The following TWIST2 variants were observed in gnomAD, a reference collection of about 807,000 sequenced individuals.
TWIST2 encodes twist-related protein 2.
In TWIST2, 1 loss-of-function variant was observed where a neutral mutation model predicts 11.6. That is an observed-to-expected ratio of 0.09 (90% CI 0.03 to 0.41). The LOEUF (loss-of-function observed/expected upper bound fraction) is 0.41. TWIST2 is among the 10% of genes least tolerant of loss of function. The pLI, the probability that TWIST2 is intolerant of heterozygous loss-of-function variation, is 0.98. For synonymous variants in TWIST2, 87 were observed against 96.6 expected (o/e 0.90, Z 0.58); for missense variants, 168 against 226.4 (o/e 0.74, Z 1.66).
At chr2:238,888,602 TGC>T (rs1693080583) in intron 1 of TWIST2, among the ~76,000 whole-genome samples, 1 of 152,220 alleles carries the variant, frequency 6.6e-6, no homozygotes, top group East Asian at 1.9e-4. Flanking sequence ...GGTAATTACA[TGC>T]ATTAAAAATG....
At chr2:238,873,928 C>T (rs572668525) in intron 1 of TWIST2, among the ~76,000 whole-genome samples, 1 of 152,130 alleles carries the variant, frequency 6.6e-6, no homozygotes. Flanking sequence ...TGCATCAGCT[C>T]GAAACTGGGT....
At chr2:238,874,532 T>C (rs537687607) in intron 1 of TWIST2, among the ~76,000 whole-genome samples, 3 of 152,304 alleles carry the variant, frequency 2.0e-5, no homozygotes, top group African/African-American at 4.8e-5. Flanking sequence ...TGTATCCTGG[T>C]TGGACGACTC....
In TWIST2 at chr2:238,848,171, T is replaced by C; in HGVS notation, c.-45T>C. 5 of 1,198,968 alleles carry C rather than the reference T, an allele frequency of 4.2e-6. No homozygotes were observed. The highest frequency in any genetic ancestry group is 5.2e-6 in the Non-Finnish European group (5 of 968,440). 74.3% of individuals were successfully genotyped at this position (1,198,968 alleles called of 1,614,324 possible). On this transcript the variant is annotated 5_prime_UTR_variant, in exon 1 of 2. Transcript: ENST00000612363. ...CGCGGGCTTGGCCAGCGGCGCGCGC[T>C]CGGCGCCCCGGCGCCCCCAGCCCCA...
intron 1 of TWIST2, among the ~76,000 whole-genome samples, chr2:238,880,311 GTGTTGGTATT>G (rs1574760263): frequency 1.4e-5 from 2 of 146,466 alleles, no homozygotes; most frequent in East Asian, 2.1e-4. Flanking sequence ...GTTAGTGTTA[GTGTTGGTATT>G]TATTATTATT....
At chr2:238,909,365 C>T (rs999391047) in intron 1 of TWIST2, among the ~76,000 whole-genome samples, 1 of 152,104 alleles carries the variant, frequency 6.6e-6, no homozygotes, top group Non-Finnish European at 1.5e-5. Flanking sequence ...CTCCCGCCAG[C>T]GGCTGACCCA....
chr2:238,879,036 G>A (rs1692857445), intron 1 of TWIST2, among the ~76,000 whole-genome samples: 1 of 152,238 alleles, frequency 6.6e-6, no homozygotes, highest in African/African-American at 2.4e-5. Flanking sequence ...ATAATACCAT[G>A]TCGCATGTAT....
intron 1 of TWIST2, among the ~76,000 whole-genome samples, chr2:238,856,313 A>G (rs1268171368): frequency 6.6e-6 from 1 of 152,236 alleles, no homozygotes; most frequent in African/African-American, 2.4e-5. Context: ...TTCTGAGAAT[A>G]GAGATTTCCT....
chr2:238,884,972 C>T (rs1176422622), intron 1 of TWIST2, among the ~76,000 whole-genome samples: 4 of 152,210 alleles, frequency 2.6e-5, no homozygotes, highest in Non-Finnish European at 4.4e-5. Flanking sequence ...ATCAGTGGAG[C>T]GTCCCCCCAT....
At chr2:238,870,534 C>A (rs1692654805) in intron 1 of TWIST2, among the ~76,000 whole-genome samples, 1 of 105,942 alleles carries the variant, frequency 9.4e-6, no homozygotes. Context: ...ACCACACACC[C>A]TACATACCCC....
At chr2:238,890,733 G>A (rs1375720936) in intron 1 of TWIST2, among the ~76,000 whole-genome samples, 1 of 152,202 alleles carries the variant, frequency 6.6e-6, no homozygotes, top group African/African-American at 2.4e-5. Flanking sequence ...CTATATTTCT[G>A]TATCTCTTTA....
At chr2:238,869,037 G>A (rs919126081) in intron 1 of TWIST2, among the ~76,000 whole-genome samples, 17 of 152,182 alleles carry the variant, frequency 1.1e-4, no homozygotes, top group African/African-American at 2.4e-4. Flanking sequence ...GTAGGTGCGC[G>A]GGCAGCAAAT....
intron 1 of TWIST2, among the ~76,000 whole-genome samples, chr2:238,905,958 CGTGT>C (rs1693345911): frequency 1.4e-3 from 146 of 107,720 alleles, no homozygotes; most frequent in African/African-American, 3.6e-3. Context: ...CGCGTGTGTA[CGTGT>C]GCGTGTGTGT....
intron 1 of TWIST2, among the ~76,000 whole-genome samples, chr2:238,872,104 C>T (rs1451217775): frequency 6.6e-6 from 1 of 152,178 alleles, no homozygotes; most frequent in Non-Finnish European, 1.5e-5. Flanking sequence ...GCCATATTAA[C>T]CGGAAGGCAG....
At chr2:238,895,398 C>G (rs1266710931) in intron 1 of TWIST2, among the ~76,000 whole-genome samples, 2 of 152,258 alleles carry the variant, frequency 1.3e-5, no homozygotes, top group African/African-American at 4.8e-5. Context: ...CCCTCCAGCA[C>G]CACCAGCTGG....
intron 1 of TWIST2, among the ~76,000 whole-genome samples, chr2:238,902,694 G>A (rs1693286213): frequency 7.4e-6 from 1 of 134,850 alleles, no homozygotes; most frequent in African/African-American, 2.8e-5. Context: ...GTGATATGGG[G>A]TGTGATGTGT....
At chr2:238,876,752 T>C (rs1692811094) in intron 1 of TWIST2, among the ~76,000 whole-genome samples, 1 of 152,192 alleles carries the variant, frequency 6.6e-6, no homozygotes, top group African/African-American at 2.4e-5. Flanking sequence ...TTGACACACT[T>C]TGGCAATATG....
intron 1 of TWIST2, among the ~76,000 whole-genome samples, chr2:238,896,558 G>T (rs1693210034): frequency 6.6e-6 from 1 of 152,204 alleles, no homozygotes; most frequent in Non-Finnish European, 1.5e-5. Context: ...CACGTCCTGA[G>T]CCACATGTCT....
At chr2:238,903,114 AGGTGTGTGTGATGTGG>A (rs1262645538) in intron 1 of TWIST2, among the ~76,000 whole-genome samples, 1 of 121,336 alleles carries the variant, frequency 8.2e-6, no homozygotes, top group Middle Eastern at 6.6e-3. Context: ...GCGTGATGTG[AGGTGTGTGTGATGTGG>A]GGTGTGTGTC....
intron 1 of TWIST2, among the ~76,000 whole-genome samples, chr2:238,855,533 T>A (rs939343257): frequency 5.3e-5 from 8 of 152,208 alleles, no homozygotes; most frequent in Non-Finnish European, 2.9e-5. Flanking sequence ...GAGAGAAAGA[T>A]GTGATCATTT....
Sources: gnomAD v4.1 joint callset for allele counts (sites outside exome capture counted in the v4.1 genomes callset) on GRCh38, gnomAD v4.1.1 for gene constraint, MANE v1.5 for transcripts, NCBI Gene and HGNC (gene_info 2026-07-23, HGNC 2026-07-21) for gene names.